The following MARK2 variants were observed in gnomAD, a reference collection of about 807,000 sequenced individuals.
MARK2 encodes microtubule affinity regulating kinase 2, also known as serine/threonine-protein kinase MARK2.
In MARK2, 16 loss-of-function variants were observed where a neutral mutation model predicts 89.8. The ratio of observed to expected loss-of-function variants is 0.18; its 90% CI spans 0.12 to 0.27. MARK2 has a LOEUF of 0.27. Ranked by LOEUF, MARK2 falls within the 10% of genes least tolerant of loss-of-function variation. MARK2 has a pLI of 1.00. For missense variants in MARK2, 621 were observed against 1,049.9 expected (o/e 0.59, Z 5.65); for synonymous variants, 382 against 399.5 (o/e 0.96, Z 0.52).
intron 1 of MARK2, among the ~76,000 whole-genome samples, chr11:63,881,995 AGAGTCTAGAGAAGT>A (rs1006465661): frequency 4.5e-4 from 68 of 152,218 alleles, no homozygotes; most frequent in African/African-American, 6.7e-4. Context: ...TAGAGCGCTG[AGAGTCTAGAGAAGT>A]GAGTCTAGAG....
rs1447421954 is a variant in MARK2, at chr11:63,898,229, C to T, written c.289-3C>T. 6.2e-7 allele frequency: 1 copy of T among 1,613,438 alleles called. No individual in the cohort carries two copies. The highest frequency in any genetic ancestry group is 1.1e-5 in the South Asian group (1 of 91,070). ...GCATGACCCCTGGTATTTTATCTTCCAGCTATTCCGCGAAGTAAGAATAAT... is the reference window on the plus strand; with the variant it reads ...GCATGACCCCTGGTATTTTATCTTCTAGCTATTCCGCGAAGTAAGAATAAT... On this transcript the variant is annotated splice_region_variant and splice_polypyrimidine_tract_variant and intron_variant, in intron 3 of 18. Coordinates refer to ENST00000402010, the MANE Select transcript of MARK2 (RefSeq NM_001039469.3).
intron 1 of MARK2, among the ~76,000 whole-genome samples, chr11:63,849,228 A>G (rs1381636313): frequency 2.0e-5 from 3 of 152,126 alleles, no homozygotes; most frequent in East Asian, 3.9e-4. Context: ...GAAGACTGTC[A>G]TTGGCTATCT....
intron 1 of MARK2, among the ~76,000 whole-genome samples, chr11:63,840,936 CT>C (rs1024813393): frequency 2.0e-5 from 3 of 152,138 alleles, no homozygotes; most frequent in Non-Finnish European, 4.4e-5. Context: ...GAGACGTCCA[CT>C]TTCCACACCT....
At chr11:63,898,927 GA>G in intron 6 of MARK2, 94 bp downstream of exon 6, 1 of 1,300,630 alleles carries the variant, frequency 7.7e-7, no homozygotes, top group Non-Finnish European at 1.1e-6. Context: ...GTGGCCCTTG[GA>G]GGGTACTTTG....
chr11:63,902,247 C>G lies in MARK2; in HGVS notation c.1151C>G (p.Thr384Ser). ...AAACCCCGGCCTTCAGCTGATCTGACCAATAGCAGCGCCCCATCCCCATCC... is the reference window on the plus strand; with the variant it reads ...AAACCCCGGCCTTCAGCTGATCTGAGCAATAGCAGCGCCCCATCCCCATCC... ...TLKPRPSADL[T>S]NSSAPSPSHK... Residue 384 changes from threonine to serine, a missense_variant, in exon 12 of 19, where the codon ACC becomes AGC. By Grantham distance (58) the Thr-to-Ser change is moderately conservative. Coordinates refer to ENST00000402010, the MANE Select transcript of MARK2 (RefSeq NM_001039469.3). The surrounding 1 kb of genome is among the most constrained non-coding windows in gnomAD (Gnocchi z 4.2). 1 of 1,614,132 alleles carries G rather than the reference C, an allele frequency of 6.2e-7. No individual in the cohort carries two copies. Among genetic ancestry groups the G allele is most frequent in the Non-Finnish European group, 8.5e-7 (1 of 1,180,022 alleles).
chr11:63,888,739 C>G, intron 1 of MARK2: 2 of 1,199,696 alleles, frequency 1.7e-6, no homozygotes, highest in Non-Finnish European at 2.1e-6. Context: ...GTCCAGGTTC[C>G]CAGGCAGGAA....
chr11:63,902,291 G>T lies in MARK2; in HGVS notation c.1195G>T (p.Val399Leu), dbSNP rs756086174. 1.2e-6 allele frequency: 2 copies of T among 1,614,004 alleles called. No homozygotes were observed. The highest frequency in any genetic ancestry group is 3.3e-5 in the Admixed American group (2 of 59,994). The change falls in exon 12 of 19, where the codon GTG (valine) becomes TTG (leucine). Residue 399 changes from valine (V) to leucine (L), a missense_variant. By Grantham distance (32) the Val-to-Leu change is conservative. This residue lies in a region of MARK2 where 397 missense variants were observed against 567.8 expected (regional missense o/e 0.70). Transcript: ENST00000402010. This position sits in a 1 kb window ranked among gnomAD's most constrained non-coding sequence, Gnocchi z 4.2. ...CCCATCCCACAAGGTACAGCGCAGC[G>T]TGTCGGCCAATCCCAAGCAGCGGCG... ...PSPSHKVQRSVSANPKQRRFS... is the reference protein window; with the variant it reads ...PSPSHKVQRSLSANPKQRRFS...
intron 1 of MARK2, among the ~76,000 whole-genome samples, chr11:63,893,040 C>G (rs1179738049): frequency 6.6e-6 from 1 of 151,262 alleles, no homozygotes; most frequent in Non-Finnish European, 1.5e-5. Context: ...TCCCTAGTAG[C>G]TGGGATTACA....
At chr11:63,840,214 T>C (rs979197950) in intron 1 of MARK2, among the ~76,000 whole-genome samples, 3 of 152,140 alleles carry the variant, frequency 2.0e-5, no homozygotes, top group Non-Finnish European at 4.4e-5. Flanking sequence ...CCTTCTTTGC[T>C]CCAGGAGCTC....
intron 1 of MARK2, among the ~76,000 whole-genome samples, chr11:63,886,086 G>A (rs201983528): frequency 6.7e-6 from 1 of 148,808 alleles, no homozygotes; most frequent in African/African-American, 2.5e-5. Context: ...CCGAGATTGC[G>A]CCACTGCACT....
At chr11:63,864,897 C>CT (rs1423438562) in intron 1 of MARK2, among the ~76,000 whole-genome samples, 3 of 151,918 alleles carry the variant, frequency 2.0e-5, no homozygotes, top group Non-Finnish European at 2.9e-5. Context: ...AATTATGTGC[C>CT]TTTTTTCTTT....
At chr11:63,895,781 C>T (rs1448669233) in intron 3 of MARK2, 148 bp downstream of exon 3, 14 of 735,334 alleles carry the variant, frequency 1.9e-5, no homozygotes, top group South Asian at 1.1e-4. Context: ...GCGATTCTCC[C>T]GCCTCAGCCT....
At position 63,889,539 on chromosome 11, in the gene MARK2, G is replaced by A. The variant is rs139295275; in HGVS notation, c.55-5620G>A. 6.6e-5 allele frequency among the ~76,000 whole-genome samples: 10 copies of A among 152,352 alleles called. No homozygotes were observed. The East Asian group carries it at 1.9e-3, about 29-fold the overall frequency. ...TCAGCGCCAGGCCTCTCGGGGTGGAGGCTGTCTTCCGGGCAAGCCTGACAA... is the reference window on the plus strand; with the variant it reads ...TCAGCGCCAGGCCTCTCGGGGTGGAAGCTGTCTTCCGGGCAAGCCTGACAA... On this transcript the variant is annotated intron_variant, in intron 1 of 18. Transcript: ENST00000402010.
intron 1 of MARK2, among the ~76,000 whole-genome samples, chr11:63,849,528 G>A (rs1429469588): frequency 1.3e-5 from 2 of 152,150 alleles, no homozygotes; most frequent in Non-Finnish European, 2.9e-5. Flanking sequence ...CAAGGCAGGC[G>A]GATCACCTGA....
At chr11:63,861,655 A>G (rs1209424319) in intron 1 of MARK2, among the ~76,000 whole-genome samples, 1 of 151,904 alleles carries the variant, frequency 6.6e-6, no homozygotes, top group Non-Finnish European at 1.5e-5. Flanking sequence ...ATCTTTAGCT[A>G]CAGACAGAAT....
intron 11 of MARK2, among the ~76,000 whole-genome samples, chr11:63,901,337 G>C (rs1157168388): frequency 6.6e-6 from 1 of 151,966 alleles, no homozygotes; most frequent in Non-Finnish European, 1.5e-5. Flanking sequence ...GCATTGATTA[G>C]ATGTGTCTAG....
At chr11:63,841,697 G>T (rs1433767029) in intron 1 of MARK2, among the ~76,000 whole-genome samples, 1 of 152,244 alleles carries the variant, frequency 6.6e-6, no homozygotes, top group Non-Finnish European at 1.5e-5. Context: ...CATTTGGGGA[G>T]TGGCGATGGA....
At chr11:63,867,979 T>C (rs1413898812) in intron 1 of MARK2, among the ~76,000 whole-genome samples, 1 of 152,254 alleles carries the variant, frequency 6.6e-6, no homozygotes, top group African/African-American at 2.4e-5. Context: ...GTTACCTTCT[T>C]TGAAGGCTGG....
At chr11:63,869,865 G>A (rs1565111250) in intron 1 of MARK2, among the ~76,000 whole-genome samples, 2 of 152,200 alleles carry the variant, frequency 1.3e-5, no homozygotes, top group Non-Finnish European at 2.9e-5. Flanking sequence ...CTTGAAGAGG[G>A]CTGGAAGGCT....
Sources: gnomAD v4.1 joint callset for allele counts (sites outside exome capture counted in the v4.1 genomes callset) on GRCh38, gnomAD v4.1.1 for gene constraint, gnomAD v4.1.1 regional missense constraint, Gnocchi (gnomAD v3.1) non-coding constraint, MANE v1.5 for transcripts, NCBI Gene and HGNC (gene_info 2026-07-23, HGNC 2026-07-21) for gene names.